Variants in ZFHX4 observed in about 807,000 individuals in gnomAD.
ZFHX4 encodes zinc finger homeobox protein 4.
Under a neutral mutation model 267.6 loss-of-function variants are expected in ZFHX4, and 56 were observed. That is an observed-to-expected ratio of 0.21 (90% confidence interval 0.17 to 0.26). The LOEUF (loss-of-function observed/expected upper bound fraction) is 0.26, where lower values mean the gene tolerates loss of function less well. ZFHX4 is among the 10% of genes least tolerant of loss of function. ZFHX4 has a pLI of 1.00. For synonymous variants in ZFHX4, 1,778 were observed against 1,665.6 expected, an observed-to-expected ratio of 1.07 and a Z score of -1.64; for missense variants, 4,332 against 4,420.0, an observed-to-expected ratio of 0.98 and a Z score of 0.56.
intron 4 of ZFHX4, among the ~76,000 whole-genome samples, chr8:76,798,166 G>A (rs1398938630): frequency 2.6e-5 from 4 of 152,188 alleles, no homozygotes; most frequent in South Asian, 4.1e-4. Context: ...AGATATAAAC[G>A]TGACCTTCAC....
chr8:76,852,895 C>G lies in ZFHX4; in HGVS notation c.5974C>G (p.Leu1992Val). 6.2e-7 allele frequency: 1 copy of G among 1,612,640 alleles called. No individual in the cohort carries two copies. The highest frequency in any genetic ancestry group is 1.1e-5 in the South Asian group (1 of 90,860). The change falls in exon 10 of 11, where the codon CTT becomes GTT. Residue 1992 changes from leucine (L) to valine (V), a missense_variant. Coordinates refer to ENST00000651372, the MANE Select transcript of ZFHX4 (RefSeq NM_024721.5). ...ARQYREAYDK[L>V]YPISPSSPET... ...TCAATACAGGGAGGCCTATGACAAGCTTTATCCAATTTCTCCATCTTCTCC... is the reference window on the plus strand; with the variant it reads ...TCAATACAGGGAGGCCTATGACAAGGTTTATCCAATTTCTCCATCTTCTCC...
intron 2 of ZFHX4, 56 bp from the exon 3 acceptor site, chr8:76,707,490 T>C: frequency 1.4e-6 from 2 of 1,398,454 alleles, no homozygotes; most frequent in Middle Eastern, 2.1e-4. Flanking sequence ...CAGATTCCTT[T>C]GTGTGTGCTG....
intron 10 of ZFHX4, among the ~76,000 whole-genome samples, chr8:76,858,523 G>C (rs1812789564): frequency 6.6e-6 from 1 of 152,178 alleles, no homozygotes; most frequent in Non-Finnish European, 1.5e-5. Flanking sequence ...CTTTGTGAGA[G>C]ATTTTAAACA....
chr8:76,768,290 G>A (rs977978504), intron 3 of ZFHX4, among the ~76,000 whole-genome samples: 11 of 152,192 alleles, frequency 7.2e-5, no homozygotes, highest in African/African-American at 2.2e-4. Context: ...TTCTTGGTAG[G>A]CATTGGGGTA....
At chr8:76,808,704 T>A (rs776640730) in intron 4 of ZFHX4, among the ~76,000 whole-genome samples, 12 of 152,184 alleles carry the variant, frequency 7.9e-5, no homozygotes, top group Admixed American at 6.6e-4. Flanking sequence ...GTTAGCTGAT[T>A]TTTTTGCAAC....
intron 1 of ZFHX4, among the ~76,000 whole-genome samples, chr8:76,698,939 G>T (rs538176673): frequency 1.3e-5 from 2 of 151,980 alleles, no homozygotes; most frequent in African/African-American, 4.8e-5. Context: ...ATTTTCTCTC[G>T]TGCTGGGAAG....
chr8:76,699,484 A>G (rs1292898704), intron 1 of ZFHX4, among the ~76,000 whole-genome samples: 1 of 152,146 alleles, frequency 6.6e-6, no homozygotes, highest in Admixed American at 6.5e-5. Context: ...ACTAGCACCA[A>G]CTTAAGACTG....
chr8:76,826,305 C>A (rs1015139245), intron 4 of ZFHX4, among the ~76,000 whole-genome samples: 1 of 152,170 alleles, frequency 6.6e-6, no homozygotes, highest in Non-Finnish European at 1.5e-5. Context: ...GATCCAATCA[C>A]CTCCCACCAG....
rs1287722425 is a variant in ZFHX4 at position 76,866,263 on chromosome 8, T to C, written c.*1698T>C. ...AAATGTATTGCTTTTGATATTTCTC[T>C]TCCGAGATGAACAAGTAGCATGTAA... On this transcript the variant is annotated 3_prime_UTR_variant, in exon 11 of 11. Coordinates refer to ENST00000651372, the MANE Select transcript of ZFHX4 (RefSeq NM_024721.5). 1 of 152,638 alleles carries C rather than the reference T, an allele frequency of 6.6e-6. No individual in the cohort carries two copies. Among genetic ancestry groups the C allele is most frequent in the African/African-American group, 2.4e-5 (1 of 41,460 alleles). 9.5% of individuals were successfully genotyped at this position (152,638 alleles called of 1,614,324 possible).
intron 5 of ZFHX4, among the ~76,000 whole-genome samples, chr8:76,836,700 GA>G (rs1399325431): frequency 6.6e-6 from 1 of 151,916 alleles, no homozygotes; most frequent in Non-Finnish European, 1.5e-5. Context: ...TATTGTAAGT[GA>G]AATAGTAAGC....
chr8:76,847,341 T>A (rs1812388770), intron 6 of ZFHX4, among the ~76,000 whole-genome samples: 1 of 152,136 alleles, frequency 6.6e-6, no homozygotes, highest in Admixed American at 6.6e-5. Flanking sequence ...CATTTTTAAA[T>A]CAGTGTAATG....
chr8:76,755,334 A>C (rs964917789), intron 3 of ZFHX4, among the ~76,000 whole-genome samples: 2 of 152,168 alleles, frequency 1.3e-5, no homozygotes, highest in African/African-American at 4.8e-5. Context: ...ATTATTATGT[A>C]TACAAATTAT....
intron 4 of ZFHX4, among the ~76,000 whole-genome samples, chr8:76,794,754 T>C (rs1810927102): frequency 1.3e-5 from 2 of 151,762 alleles, no homozygotes; most frequent in South Asian, 4.2e-4. Context: ...GTAGTAGTTT[T>C]ATTTAAAGGT....
At chr8:76,685,559 A>G (rs1268836109) in intron 1 of ZFHX4, among the ~76,000 whole-genome samples, 1 of 152,200 alleles carries the variant, frequency 6.6e-6, no homozygotes, top group African/African-American at 2.4e-5. Flanking sequence ...ACGTTTATGT[A>G]ATATATATGT....
chr8:76,720,813 C>A (rs1808699958), intron 3 of ZFHX4, among the ~76,000 whole-genome samples: 1 of 152,110 alleles, frequency 6.6e-6, no homozygotes, highest in African/African-American at 2.4e-5. Context: ...CACAGCAATT[C>A]TATTAGATTA....
chr8:76,861,813 T>C (rs1235217876), intron 10 of ZFHX4, among the ~76,000 whole-genome samples: 2 of 152,066 alleles, frequency 1.3e-5, no homozygotes, highest in Non-Finnish European at 2.9e-5. Context: ...GAGGTAAGAC[T>C]ATGACCAATA....
In ZFHX4 at chr8:76,863,776, T is replaced by C. The variant is rs748422996; in HGVS notation, c.10062T>C (p.Ser3354=). 2.6e-5 allele frequency: 41 copies of C among 1,551,866 alleles called. No individual in the cohort carries two copies. The Admixed American group carries it at 2.9e-4, about 11-fold the overall frequency. ...AGGCAAAGACATCCAAAGTAGAAAG[T>C]GACCAGCCGCAAAACTCCAACGATG... ...PVQAKTSKVE[S]DQPQNSNDAS... Residue 3354 remains serine (S), a synonymous_variant, in exon 11 of 11, where the codon AGT becomes AGC. Transcript: ENST00000651372.
At chr8:76,761,201 A>G (rs1337416255) in intron 3 of ZFHX4, among the ~76,000 whole-genome samples, 1 of 152,234 alleles carries the variant, frequency 6.6e-6, no homozygotes, top group Non-Finnish European at 1.5e-5. Context: ...GTTTTGATAT[A>G]TGCTAAAATT....
In ZFHX4 at chr8:76,855,889, A is replaced by G. The variant is rs1407961355; in HGVS notation, c.8968A>G (p.Asn2990Asp). The change falls in exon 10 of 11, where the codon AAC becomes GAC. Residue 2990 changes from asparagine to aspartate, a missense_variant. This residue lies in a region of ZFHX4 where 1,648 missense variants were observed against 1,625.0 expected (regional missense o/e 1.01). Coordinates refer to ENST00000651372, the MANE Select transcript of ZFHX4 (RefSeq NM_024721.5). ...GGCAAAGGAAAAGAAATTTAAAATT[A>G]ACATAGGGAAGCCTTTCATGATCAA... Reference protein sequence around the residue: ...ARAKEKKFKINIGKPFMINQG... With the variant: ...ARAKEKKFKIDIGKPFMINQG... 6.2e-7 allele frequency: 1 copy of G among 1,613,716 alleles called. No individual in the cohort carries two copies. The highest frequency in any genetic ancestry group is 8.5e-7 in the Non-Finnish European group (1 of 1,179,846).
Sources: gnomAD v4.1 joint callset for allele counts (sites outside exome capture counted in the v4.1 genomes callset) on GRCh38, gnomAD v4.1.1 for gene constraint, gnomAD v4.1.1 regional missense constraint, MANE v1.5 for transcripts, NCBI Gene and HGNC (gene_info 2026-07-23, HGNC 2026-07-21) for gene names.